ZNF678: variants seen among roughly 807,000 people sequenced by gnomAD.
ZNF678 encodes hypothetical protein MGC42493.
Under a neutral mutation model 3.0 loss-of-function variants are expected in ZNF678, and 5 were observed. That is an observed-to-expected ratio of 1.69 (90% CI 0.88 to 3.56). The LOEUF is 3.56. Ranked by LOEUF, ZNF678 falls within the 30% of genes most tolerant of loss-of-function variation. The pLI, the probability that ZNF678 is intolerant of heterozygous loss-of-function variation, is 0.00. For missense variants in ZNF678, 593 were observed against 605.0 expected (o/e 0.98, Z 0.21); for synonymous variants, 218 against 199.6 (o/e 1.09, Z -0.78).
chr1:227,612,852 T>C (rs1390040835), intron 1 of ZNF678, among the ~76,000 whole-genome samples: 2 of 152,052 alleles, frequency 1.3e-5, no homozygotes, highest in Admixed American at 1.3e-4. Context: ...GGGTGACACC[T>C]ACAACCTACA....
intron 1 of ZNF678, among the ~76,000 whole-genome samples, chr1:227,565,532 A>AT (rs145669668): frequency 0.012 from 1,220 of 105,582 alleles, 23 homozygotes; most frequent in African/African-American, 0.031. Context: ...AATTCTTTTT[A>AT]TTTTATTTTT....
chr1:227,573,605 A>G (rs1021992834), intron 1 of ZNF678, among the ~76,000 whole-genome samples: 8 of 152,236 alleles, frequency 5.3e-5, no homozygotes, highest in South Asian at 2.1e-4. Flanking sequence ...GTAAATGTCT[A>G]TTTTTTCCCA....
At chr1:227,621,917 A>C (rs921044641) in intron 1 of ZNF678, among the ~76,000 whole-genome samples, 3 of 152,250 alleles carry the variant, frequency 2.0e-5, no homozygotes, top group African/African-American at 7.2e-5. Context: ...ACTCTGTAGC[A>C]ATAGCACGTC....
chr1:227,593,801 G>A (rs934836827), intron 1 of ZNF678, among the ~76,000 whole-genome samples: 10 of 151,318 alleles, frequency 6.6e-5, no homozygotes, highest in African/African-American at 1.9e-4. Context: ...CTGGGACCAT[G>A]GCCCACAACT....
At position 227,570,672 on chromosome 1, in the gene ZNF678, G is replaced by GT. The variant is rs36103120; in HGVS notation, c.-164+6961dup. Among the ~76,000 whole-genome samples, 991 of 146,058 alleles carry GT rather than the reference G, an allele frequency of 6.8e-3. 7 individuals carry two copies. Among genetic ancestry groups the GT allele is most frequent in the Middle Eastern group, 0.018 (5 of 276 alleles). ...ACTTTGGTTAATGGATGGCTGACTA[G>GT]TTTTTTTTTTTTTACTGCAAGGGAA... On this transcript the variant is annotated intron_variant, in intron 1 of 3. Coordinates refer to ENST00000343776, the MANE Select transcript of ZNF678 (RefSeq NM_001367909.1).
intron 1 of ZNF678, among the ~76,000 whole-genome samples, chr1:227,618,574 A>G (rs546432975): frequency 3.0e-4 from 45 of 152,252 alleles, no homozygotes; most frequent in African/African-American, 1.0e-3. Context: ...TCTTGTGGGG[A>G]CAGCCAGGCA....
chr1:227,611,083 AG>A (rs1297241335), intron 1 of ZNF678, among the ~76,000 whole-genome samples: 6 of 152,228 alleles, frequency 3.9e-5, no homozygotes, highest in Non-Finnish European at 7.3e-5. Flanking sequence ...AGAGAAATTC[AG>A]GTGCAGTTCA....
At chr1:227,584,353 T>C (rs921555472) in intron 1 of ZNF678, among the ~76,000 whole-genome samples, 3 of 152,160 alleles carry the variant, frequency 2.0e-5, no homozygotes, top group African/African-American at 7.2e-5. Context: ...GAACCGTTTA[T>C]CCACTCTCCT....
intron 1 of ZNF678, among the ~76,000 whole-genome samples, chr1:227,591,738 A>G (rs1409978937): frequency 1.3e-5 from 2 of 152,188 alleles, no homozygotes; most frequent in African/African-American, 4.8e-5. Context: ...CATTGTACAA[A>G]CAAGTTCTTT....
In ZNF678 at chr1:227,654,372, A is replaced by T. The variant is rs1453679975; in HGVS notation, c.122A>T (p.Glu41Val). 5.0e-6 allele frequency: 8 copies of T among 1,588,210 alleles called. No homozygotes were observed. The highest frequency in any genetic ancestry group is 4.1e-5 in the African/African-American group (3 of 73,458). Residue 41 changes from glutamate to valine, a missense_variant, in exon 4 of 4, where the codon GAG becomes GTG. Transcript: ENST00000343776. ...LSYSIQDLLP[E>V]QDMKDLCQKV... ...TATTCCATTCAAGACCTTTTGCCAG[A>T]GCAGGATATGAAAGATTTATGCCAA...
rs111722556 is a variant in ZNF678, at chr1:227,669,402, C to T, written c.227-7777C>T. ...CTGTAATCCCAGCACTTTGGGAGGC[C>T]GAGGCGGGTGGATCACGAGGTCAGG... On this transcript the variant is annotated intron_variant, in intron 5 of 5. Transcript: ENST00000608949. Among the ~76,000 whole-genome samples, 755 of 151,936 alleles carry T rather than the reference C, an allele frequency of 5.0e-3. 4 individuals carry two copies. Among genetic ancestry groups the T allele is most frequent in the African/African-American group, 0.015 (631 of 41,428 alleles).
chr1:227,644,700 A>G (rs1658912331), intron 1 of ZNF678, among the ~76,000 whole-genome samples: 1 of 152,228 alleles, frequency 6.6e-6, no homozygotes, highest in Admixed American at 6.5e-5. Context: ...CAGAATAGCA[A>G]ATGATATATG....
Position 227,655,083 on chromosome 1 carries a change from C to A in ZNF678, c.833C>A (p.Ser278Ter), listed in dbSNP as rs2102806725. Reference protein sequence around the residue: ...EECGNVFNECSHLTRHRRIHT... With the variant: ...EECGNVFNEC ...TGTGGCAACGTTTTTAATGAGTGCT[C>A]ACACCTAACTAGACATAGGAGAATT... Residue 278 changes from serine (S) to a stop codon, truncating the protein, a stop_gained, in exon 4 of 4, where the codon TCA becomes TAA. Transcript: ENST00000343776. LOFTEE classifies it low-confidence loss of function (END_TRUNC). The A allele has an allele frequency of 3.7e-6, 6 of 1,612,232 alleles. No homozygotes were observed. The East Asian group carries it at 1.3e-4, about 36-fold the overall frequency.
intron 1 of ZNF678, among the ~76,000 whole-genome samples, chr1:227,621,486 G>A (rs1193989324): frequency 6.6e-6 from 1 of 152,122 alleles, no homozygotes; most frequent in Non-Finnish European, 1.5e-5. Context: ...AGATACACAG[G>A]CAGCTTTCTT....
At chr1:227,641,891 T>G (rs906644334) in intron 1 of ZNF678, among the ~76,000 whole-genome samples, 6 of 152,230 alleles carry the variant, frequency 3.9e-5, no homozygotes, top group Non-Finnish European at 8.8e-5. Flanking sequence ...ATCTGTGTAT[T>G]GAGTAGGCGT....
At chr1:227,593,146 G>A (rs1032144601) in intron 1 of ZNF678, among the ~76,000 whole-genome samples, 1 of 152,216 alleles carries the variant, frequency 6.6e-6, no homozygotes, top group Non-Finnish European at 1.5e-5. Context: ...TAGAATCCTG[G>A]AAAAGAGCTA....
At chr1:227,615,212 C>T (rs761008852) in intron 1 of ZNF678, among the ~76,000 whole-genome samples, 1 of 152,222 alleles carries the variant, frequency 6.6e-6, no homozygotes, top group Non-Finnish European at 1.5e-5. Flanking sequence ...CAAAAAGATA[C>T]TCCTAAGTTA....
chr1:227,571,583 A>G (rs574735506), intron 1 of ZNF678, among the ~76,000 whole-genome samples: 1 of 152,380 alleles, frequency 6.6e-6, no homozygotes, highest in African/African-American at 2.4e-5. Flanking sequence ...CAACAGAGTT[A>G]ATGAAAACTA....
intron 1 of ZNF678, among the ~76,000 whole-genome samples, chr1:227,625,851 A>G (rs1422347925): frequency 1.3e-5 from 2 of 152,186 alleles, no homozygotes; most frequent in African/African-American, 4.8e-5. Flanking sequence ...AAGTAAGTCC[A>G]ATAGACAGTG....
Sources: gnomAD v4.1 joint callset for allele counts (sites outside exome capture counted in the v4.1 genomes callset) on GRCh38, gnomAD v4.1.1 for gene constraint, MANE v1.5 for transcripts, NCBI Gene and HGNC (gene_info 2026-07-23, HGNC 2026-07-21) for gene names.